Variants in NOS1 observed in about 807,000 individuals in gnomAD.
NOS1 encodes NOS type I.
NOS1 carries 51 observed loss-of-function variants against 164.5 expected under a neutral mutation model. That is an observed-to-expected ratio of 0.31 (90% CI 0.25 to 0.39). The LOEUF (loss-of-function observed/expected upper bound fraction) is 0.39, where lower values mean the gene tolerates loss of function less well. Ranked by LOEUF, NOS1 falls within the 10% of genes least tolerant of loss-of-function variation. The probability of loss-of-function intolerance (pLI) is 1.00; values close to 1 mark genes in which losing one functional copy is unlikely to be tolerated. For missense variants in NOS1, 1,362 were observed against 1,885.6 expected (o/e 0.72, Z 5.14); for synonymous variants, 719 against 745.8 (o/e 0.96, Z 0.59).
chr12:117,236,520 C>T (rs965549322), intron 20 of NOS1, among the ~76,000 whole-genome samples: 1 of 152,142 alleles, frequency 6.6e-6, no homozygotes, highest in African/African-American at 2.4e-5. Context: ...TCCCACTGGC[C>T]CTCCATGGGC....
chr12:117,312,977 C>T (rs1449306779), intron 2 of NOS1, among the ~76,000 whole-genome samples: 1 of 152,090 alleles, frequency 6.6e-6, no homozygotes, highest in Admixed American at 6.6e-5. Flanking sequence ...TAATCATCAT[C>T]ATCTAACTTT....
chr12:117,287,979 G>A, intron 5 of NOS1, 95 bp downstream of exon 5: 2 of 1,422,606 alleles, frequency 1.4e-6, no homozygotes, highest in Non-Finnish European at 2.0e-6. Flanking sequence ...CAGAGGCCTT[G>A]TGCCTTGGCC....
intron 2 of NOS1, among the ~76,000 whole-genome samples, chr12:117,321,327 T>C (rs2136064544): frequency 6.6e-6 from 1 of 152,342 alleles, no homozygotes; most frequent in East Asian, 1.9e-4. Context: ...TTTTGATTTC[T>C]CATCTCTGAT....
chr12:117,208,252 AAC>A lies in NOS1; in HGVS notation c.*7055_*7056del, dbSNP rs1170443405. The stretch of plus-strand genomic sequence containing the variant: ...CTATACAGAAGAAGAGCATGCGACA[AAC>A]ACAGCCTGGACAACCTCGCAAAGAG... On this transcript the variant is annotated 3_prime_UTR_variant, in exon 29 of 29. Transcript: ENST00000317775. The A allele has an allele frequency of 1.6e-6, 2 of 1,280,722 alleles. No individual in the cohort carries two copies. The highest frequency in any genetic ancestry group is 2.0e-6 in the Non-Finnish European group (2 of 983,250). 79.3% of individuals were successfully genotyped at this position (1,280,722 alleles called of 1,614,324 possible).
Position 117,330,327 on chromosome 12 carries a change from CA to C in NOS1, c.725+17del. 3 of 1,598,206 alleles carry C rather than the reference CA, an allele frequency of 1.9e-6. No individual in the cohort carries two copies. The South Asian group carries it at 3.4e-5, about 18-fold the overall frequency. ...ACACACACACACACACACACACACA[CA>C]CCCCTGTGGAGCTTACCTGTCCACC... On this transcript the variant is annotated intron_variant, in intron 2 of 28. Coordinates refer to ENST00000317775, the MANE Select transcript of NOS1 (RefSeq NM_000620.5). This position sits in a 1 kb window ranked among gnomAD's most constrained non-coding sequence, Gnocchi z 4.6.
At chr12:117,359,723 C>T (rs760621221) in intron 1 of NOS1, among the ~76,000 whole-genome samples, 52 of 151,504 alleles carry the variant, frequency 3.4e-4, no homozygotes, top group Non-Finnish European at 6.2e-4. Context: ...ATGCGTCTTT[C>T]CCAGGATTAC....
intron 3 of NOS1, among the ~76,000 whole-genome samples, chr12:117,308,074 AC>A (rs1392928585): frequency 8.5e-5 from 13 of 152,140 alleles, no homozygotes; most frequent in Non-Finnish European, 1.3e-4. Flanking sequence ...AATCAAAAGC[AC>A]TAATGCTATT....
intron 6 of NOS1, among the ~76,000 whole-genome samples, chr12:117,285,560 G>T (rs776994277): frequency 6.6e-6 from 1 of 150,420 alleles, no homozygotes; most frequent in Non-Finnish European, 1.5e-5. Flanking sequence ...CTAAAAGTAG[G>T]CACGGCATGA....
chr12:117,254,358 C>T (rs2650162), intron 16 of NOS1, among the ~76,000 whole-genome samples: 16,951 of 152,206 alleles, frequency 0.11, 1,044 homozygotes, highest in African/African-American at 0.15. Context: ...CCACCTGCCT[C>T]GGCCTCCCAA....
At chr12:117,222,680 T>A in intron 26 of NOS1, 35 bp downstream of exon 26, 2 of 1,606,154 alleles carry the variant, frequency 1.2e-6, no homozygotes, top group Non-Finnish European at 1.7e-6. Context: ...GCATGTGTGT[T>A]GGGCTGGGCT....
In NOS1 at chr12:117,275,318, T is replaced by C. The variant is rs77725506; in HGVS notation, c.1664+2641A>G. ...CCCACACTGGAATACCATTCAGCCA[T>C]AAAAAAGAATGAAACCATGTCACTC... On this transcript the variant is annotated intron_variant, in intron 9 of 28. Transcript: ENST00000317775. Among the ~76,000 whole-genome samples, 34 of 151,836 alleles carry C rather than the reference T, an allele frequency of 2.2e-4. No homozygotes were observed. The East Asian group carries it at 6.4e-3, about 29-fold the overall frequency.
rs1956510082 is a variant in NOS1, at chr12:117,210,460, G to A, written c.*4849C>T. On this transcript the variant is annotated 3_prime_UTR_variant, in exon 29 of 29. Coordinates refer to ENST00000317775, the MANE Select transcript of NOS1 (RefSeq NM_000620.5). ...GCTTTGAGGACATGGTGGCCACAGC[G>A]GCATGCTGGGTATGTGGGGCAGCGG... 2.0e-6 allele frequency: 2 copies of A among 985,410 alleles called. No individual in the cohort carries two copies. Among genetic ancestry groups the A allele is most frequent in the Non-Finnish European group, 2.4e-6 (2 of 829,974 alleles). 61.0% of individuals were successfully genotyped at this position (985,410 alleles called of 1,614,324 possible).
At chr12:117,265,261 A>C in intron 12 of NOS1, 55 bp downstream of exon 12, 3 of 1,440,620 alleles carry the variant, frequency 2.1e-6, no homozygotes, top group Non-Finnish European at 2.8e-6. Flanking sequence ...TAAATGTGAC[A>C]CACACACCAG....
chr12:117,218,017 C>A, intron 28 of NOS1, 29 bp downstream of exon 28: 1 of 1,503,010 alleles, frequency 6.7e-7, no homozygotes, highest in Non-Finnish European at 9.3e-7. Context: ...GCTCTTCCTG[C>A]CCCTCACCCA....
Position 117,210,079 on chromosome 12 carries a change from C to T in NOS1, c.*5230G>A, listed in dbSNP as rs2135907205. On this transcript the variant is annotated 3_prime_UTR_variant, in exon 29 of 29. Transcript: ENST00000317775. Reference sequence around the variant, plus strand: ...CCTCAAACTCCTGGGACCAAGTGATCCTCCTGCCTCAGCCTCCCAAGTAGC... The same window carrying T: ...CCTCAAACTCCTGGGACCAAGTGATTCTCCTGCCTCAGCCTCCCAAGTAGC... 1.1e-5 allele frequency: 8 copies of T among 738,854 alleles called. No individual in the cohort carries two copies. Among genetic ancestry groups the T allele is most frequent in the Non-Finnish European group, 1.3e-5 (8 of 604,888 alleles). The allele number at this position is 738,854 out of a possible 1,614,324, so 45.8% of individuals were successfully genotyped here. A position where few individuals can be genotyped will look rare whatever the true frequency, so the allele number is the denominator to read the frequency against.
chr12:117,241,904 C>T (rs140591954), intron 20 of NOS1, among the ~76,000 whole-genome samples: 245 of 152,340 alleles, frequency 1.6e-3, no homozygotes, highest in African/African-American at 5.3e-3. Flanking sequence ...TCCAGCAGGA[C>T]AGAGTGTGTC....
intron 7 of NOS1, among the ~76,000 whole-genome samples, chr12:117,281,837 G>GAAAAAAAAAAAAAAAAAAAAAAAA (rs11423140): frequency 7.6e-6 from 1 of 131,742 alleles, no homozygotes; most frequent in African/African-American, 2.8e-5. Flanking sequence ...CTCAAAAAAA[G>GAAAAAAAAAAAAAAAAAAAAAAAA]AAAAAAAAAA....
In NOS1 at chr12:117,291,844, C is replaced by T. The variant is rs116065292; in HGVS notation, c.853-1418G>A. Among the ~76,000 whole-genome samples the T allele has an allele frequency of 7.5e-3, 1,137 of 152,156 alleles. 15 individuals carry two copies. Among genetic ancestry groups the T allele is most frequent in the African/African-American group, 0.026 (1,070 of 41,518 alleles). ...AGTCATCGTGCCTGGCCTAGGATCA[C>T]ATCTGTCTTGGATGCTCCTGGGTTA... On this transcript the variant is annotated intron_variant, in intron 3 of 28. Transcript: ENST00000317775.
At chr12:117,352,165 G>C (rs970386020) in intron 1 of NOS1, among the ~76,000 whole-genome samples, 1 of 149,084 alleles carries the variant, frequency 6.7e-6, no homozygotes, top group Non-Finnish European at 1.5e-5. Flanking sequence ...AGAGTAAGAC[G>C]CTGTCTCAGA....
Sources: allele counts gnomAD v4.1 joint callset (sites outside exome capture counted in the v4.1 genomes callset), GRCh38; gene constraint gnomAD v4.1.1; non-coding constraint Gnocchi (gnomAD v3.1); transcripts MANE v1.5; gene names NCBI Gene and HGNC (gene_info 2026-07-23, HGNC 2026-07-21).